Variants in TOR1B observed in about 807,000 individuals in gnomAD.
TOR1B encodes the protein torsin-1B.
A neutral mutation model predicts 29.2 loss-of-function variants in TOR1B; 14 were observed. The observed-to-expected ratio is 0.48, with a 90% CI of 0.32 to 0.75. The LOEUF (loss-of-function observed/expected upper bound fraction) is 0.75, where lower values mean the gene tolerates loss of function less well. Ranked by LOEUF, TOR1B falls within the 30% of genes least tolerant of loss-of-function variation. The probability of loss-of-function intolerance (pLI) is 0.04; values close to 1 mark genes in which losing one functional copy is unlikely to be tolerated. For synonymous variants in TOR1B, 166 were observed against 179.8 expected (o/e 0.92, Z 0.62); for missense variants, 400 against 433.9 (o/e 0.92, Z 0.69).
rs979807182 is a variant in TOR1B at position 129,810,390 on chromosome 9, C to G, written c.*807C>G. On this transcript the variant is annotated 3_prime_UTR_variant, in exon 5 of 5. Coordinates refer to ENST00000259339, the MANE Select transcript of TOR1B (RefSeq NM_014506.3). The stretch of plus-strand genomic sequence containing the variant: ...TTCACCTAAGACCTCTGCAGCAGAC[C>G]TGGACAGACAGGCCCCTCCCGCCTG... 57 of 1,233,540 alleles carry G rather than the reference C, an allele frequency of 4.6e-5. No homozygotes were observed. The highest frequency in any genetic ancestry group is 1.4e-4 in the African/African-American group (9 of 64,444). The allele number at this position is 1,233,540 out of a possible 1,614,324, so 76.4% of individuals were successfully genotyped here. A position where few individuals can be genotyped will look rare whatever the true frequency, so the allele number is the denominator to read the frequency against.
chr9:129,810,132 TG>T lies in TOR1B; in HGVS notation c.*555del. On this transcript the variant is annotated 3_prime_UTR_variant, in exon 5 of 5. Transcript: ENST00000259339. ...AGGAGTCCAGGGACTTGCTGCAGGC[TG>T]GGGGGCACTGGGTGGTTCTCACCAG... The T allele has an allele frequency of 7.7e-7, 1 of 1,300,234 alleles. No homozygotes were observed. The highest frequency in any genetic ancestry group is 1.0e-6 in the Non-Finnish European group (1 of 985,784). The allele number at this position is 1,300,234 out of a possible 1,614,324, so 80.5% of individuals were successfully genotyped here.
Position 129,807,296 on chromosome 9 carries a change from C to T in TOR1B, c.574C>T (p.Pro192Ser). Residue 192 changes from proline to serine, a missense_variant, in exon 3 of 5, where the codon CCG (proline) becomes TCG (serine). Physicochemically the swap from Pro to Ser is moderately conservative, Grantham distance 74. Coordinates refer to ENST00000259339, the MANE Select transcript of TOR1B (RefSeq NM_014506.3). ...CCCCGGGATCATTGACGCAATCAAGCCGTTTCTAGACTACTACGAGCAGGT... is the reference window on the plus strand; with the variant it reads ...CCCCGGGATCATTGACGCAATCAAGTCGTTTCTAGACTACTACGAGCAGGT... Reference protein sequence around the residue: ...LHPGIIDAIKPFLDYYEQVDG... With the variant: ...LHPGIIDAIKSFLDYYEQVDG... The T allele has an allele frequency of 1.2e-6, 2 of 1,614,140 alleles. No individual in the cohort carries two copies. The highest frequency in any genetic ancestry group is 1.7e-6 in the Non-Finnish European group (2 of 1,180,020).
At position 129,808,993 on chromosome 9, in the gene TOR1B, G is replaced by T. The variant is rs377407558; in HGVS notation, c.730G>T (p.Glu244Ter). Residue 244 changes from glutamate (E) to a stop codon, truncating the protein, a stop_gained, in exon 4 of 5, where the codon GAA (glutamate) becomes TAA (stop). Transcript: ENST00000259339. LOFTEE classifies it high-confidence loss of function. ...KREDIQLKDL[E>*]PVLSVGVFNN... is the part of the protein sequence containing the mutation. ...GGAAGACATTCAGCTGAAGGACCTGGAACCTGTACTGTCTGTCGGAGTCTT... is the reference window on the plus strand; with the variant it reads ...GGAAGACATTCAGCTGAAGGACCTGTAACCTGTACTGTCTGTCGGAGTCTT... The T allele has an allele frequency of 1.2e-6, 2 of 1,613,842 alleles. No homozygotes were observed. Among genetic ancestry groups the T allele is most frequent in the African/African-American group, 2.7e-5 (2 of 74,888 alleles).
chr9:129,804,549 T>G, intron 2 of TOR1B: 1 of 597,020 alleles, frequency 1.7e-6, no homozygotes, highest in Non-Finnish European at 2.8e-6. Flanking sequence ...GTAGGGGATG[T>G]TATTTCCATT....
chr9:129,807,168 T>A lies in TOR1B; in HGVS notation c.466-20T>A. 7 of 1,611,318 alleles carry A rather than the reference T, an allele frequency of 4.3e-6. No individual in the cohort carries two copies. The South Asian group carries it at 6.6e-5, about 15-fold the overall frequency. On this transcript the variant is annotated intron_variant, in intron 2 of 4. Coordinates refer to ENST00000259339, the MANE Select transcript of TOR1B (RefSeq NM_014506.3). ...CCCTTTGAGCTTCGCATCCTGTTTC[T>A]TCTTTCATGGTTGGTCCAGGACCAG...
At chr9:129,806,868 G>A (rs1055211010) in intron 2 of TOR1B, among the ~76,000 whole-genome samples, 3 of 152,166 alleles carry the variant, frequency 2.0e-5, no homozygotes, top group Non-Finnish European at 4.4e-5. Flanking sequence ...CTGGGGGATA[G>A]AGTGAGACCC....
chr9:129,810,001 A>G lies in TOR1B; in HGVS notation c.*418A>G. 8.4e-7 allele frequency: 1 copy of G among 1,191,722 alleles called. No individual in the cohort carries two copies. 73.8% of individuals were successfully genotyped at this position (1,191,722 alleles called of 1,614,324 possible). A position where few individuals can be genotyped will look rare whatever the true frequency, so the allele number is the denominator to read the frequency against. ...CTTTTAAAAATCCCCTTCACACTTA[A>G]TGTACTGACCGAGACAGAAGTACCT... On this transcript the variant is annotated 3_prime_UTR_variant, in exon 5 of 5. Transcript: ENST00000259339.
At chr9:129,803,577 C>T (rs948480318) in intron 1 of TOR1B, among the ~76,000 whole-genome samples, 166 bp downstream of exon 1, 1 of 152,188 alleles carries the variant, frequency 6.6e-6, no homozygotes, top group African/African-American at 2.4e-5. Flanking sequence ...GCCCCGGAAC[C>T]GTTCGCGGGA....
rs767019511 is a variant in TOR1B at position 129,803,385 on chromosome 9, G to T, written c.173G>T (p.Arg58Leu). 2 of 1,552,908 alleles carry T rather than the reference G, an allele frequency of 1.3e-6. No individual in the cohort carries two copies. Among genetic ancestry groups the T allele is most frequent in the Non-Finnish European group, 1.7e-6 (2 of 1,153,298 alleles). ...DIYCRFAECC[R>L]EERPLNASAL... is the part of the protein sequence containing the mutation. ...TACTGCCGCTTCGCCGAGTGCTGCC[G>T]CGAGGAGCGGCCGCTCAACGCTTCG... Residue 58 changes from arginine (R) to leucine (L), a missense_variant, in exon 1 of 5, where the codon CGC becomes CTC. Coordinates refer to ENST00000259339, the MANE Select transcript of TOR1B (RefSeq NM_014506.3).
intron 1 of TOR1B, 72 bp from the exon 2 acceptor site, chr9:129,804,001 C>G: frequency 6.3e-7 from 1 of 1,586,490 alleles, no homozygotes; most frequent in Non-Finnish European, 8.6e-7. Context: ...CTTTGGCCAG[C>G]TAAGAAAGTG....
In TOR1B at chr9:129,804,416, G is replaced by C. The variant is rs1471468719; in HGVS notation, c.465+78G>C. The C allele has an allele frequency of 1.9e-6, 3 of 1,552,516 alleles. No individual in the cohort carries two copies. The East Asian group carries it at 6.8e-5, about 35-fold the overall frequency. ...GACCTGCTCACTAACTCTGGCCTCT[G>C]CTTCTCTTTCCTTTGTGTTGCTGTA... On this transcript the variant is annotated intron_variant, in intron 2 of 4. Coordinates refer to ENST00000259339, the MANE Select transcript of TOR1B (RefSeq NM_014506.3).
chr9:129,809,914 G>A lies in TOR1B; in HGVS notation c.*331G>A. The stretch of plus-strand genomic sequence containing the variant: ...ATTGTGGAAAACACGTGAATCTATT[G>A]CGCGCATTTGTCATTTAGCAAGATG... On this transcript the variant is annotated 3_prime_UTR_variant, in exon 5 of 5. Coordinates refer to ENST00000259339, the MANE Select transcript of TOR1B (RefSeq NM_014506.3). 2.5e-6 allele frequency: 3 copies of A among 1,223,434 alleles called. No homozygotes were observed. The highest frequency in any genetic ancestry group is 3.1e-6 in the Non-Finnish European group (3 of 967,002). 75.8% of individuals were successfully genotyped at this position (1,223,434 alleles called of 1,614,324 possible).
At chr9:129,807,739 G>A (rs572410437) in intron 3 of TOR1B, among the ~76,000 whole-genome samples, 11 of 151,992 alleles carry the variant, frequency 7.2e-5, no homozygotes, top group South Asian at 2.1e-4. Flanking sequence ...CCATCTACTC[G>A]GGAGACTGAG....
rs919163928 is a variant in TOR1B, at chr9:129,804,164, A to G, written c.291A>G (p.Lys97=). 7 of 1,614,102 alleles carry G rather than the reference A, an allele frequency of 4.3e-6. No homozygotes were observed. The highest frequency in any genetic ancestry group is 5.1e-6 in the Non-Finnish European group (6 of 1,180,054). ...FKALTGFRNN[K]NPKKPLTLSL... ...CGCTGACTGGCTTCAGGAACAACAA[A>G]AATCCCAAGAAACCACTGACCCTTT... Residue 97 remains lysine (K), a synonymous_variant, in exon 2 of 5, where the codon AAA becomes AAG. Transcript: ENST00000259339.
chr9:129,804,466 C>A, intron 2 of TOR1B, 128 bp downstream of exon 2: 3 of 1,190,068 alleles, frequency 2.5e-6, no homozygotes, highest in South Asian at 1.5e-5. Flanking sequence ...TGAGTTAAGG[C>A]ACACTTAGTC....
intron 1 of TOR1B, 134 bp from the exon 2 acceptor site, chr9:129,803,939 C>G (rs1053216091): frequency 1.7e-6 from 2 of 1,165,920 alleles, no homozygotes; most frequent in African/African-American, 1.5e-5. Context: ...CTGCCTCGGC[C>G]CTAGGGTGTG....
chr9:129,808,525 T>G lies in TOR1B; in HGVS notation c.642-380T>G, dbSNP rs552363959. ...AATAGACTTAGAGCAGATTCATTTC[T>G]TGGTAAGACACAGAAGTCTTTTTTT... On this transcript the variant is annotated intron_variant, in intron 3 of 4. Transcript: ENST00000259339. Among the ~76,000 whole-genome samples the G allele has an allele frequency of 6.0e-5, 9 of 150,998 alleles. No individual in the cohort carries two copies. In the South Asian group the frequency reaches 1.5e-3, roughly 25 times the overall value.
Position 129,807,184 on chromosome 9 carries a change from C to G in TOR1B, c.466-4C>G, listed in dbSNP as rs1588209187. ...TCCTGTTTCTTCTTTCATGGTTGGT[C>G]CAGGACCAGTTACAGAAGTGGATCC... On this transcript the variant is annotated splice_region_variant and splice_polypyrimidine_tract_variant and intron_variant, in intron 2 of 4. Transcript: ENST00000259339. 1.2e-6 allele frequency: 2 copies of G among 1,613,788 alleles called. No homozygotes were observed. The highest frequency in any genetic ancestry group is 3.3e-4 in the Middle Eastern group (2 of 6,060).
In TOR1B at chr9:129,810,342, TGTGTGTGTGGGGG is replaced by T; in HGVS notation, c.*761_*773del. On this transcript the variant is annotated 3_prime_UTR_variant, in exon 5 of 5. Transcript: ENST00000259339. ...CTCTTGATCTGAGCTGACCTGTGTG[TGTGTGTGTGGGGG>T]GGTGGGGCCTTCACCTAAGACCTCT... The T allele has an allele frequency of 1.1e-6, 1 of 906,782 alleles. No individual in the cohort carries two copies. Among genetic ancestry groups the T allele is most frequent in the Non-Finnish European group, 1.4e-6 (1 of 709,990 alleles). The allele number at this position is 906,782 out of a possible 1,614,324, so 56.2% of individuals were successfully genotyped here. A position where few individuals can be genotyped will look rare whatever the true frequency, so the allele number is the denominator to read the frequency against.
Sources: gnomAD v4.1 joint callset for allele counts (sites outside exome capture counted in the v4.1 genomes callset) on GRCh38, gnomAD v4.1.1 for gene constraint, MANE v1.5 for transcripts, NCBI Gene and HGNC (gene_info 2026-07-23, HGNC 2026-07-21) for gene names.